Variants in DOCK5 observed in about 807,000 individuals in gnomAD.
DOCK5 encodes dedicator of cytokinesis protein 5.
DOCK5 carries 142 observed loss-of-function variants against 251.8 expected under a neutral mutation model. The ratio of observed to expected loss-of-function variants is 0.56; its 90% CI spans 0.49 to 0.65. The LOEUF is 0.65. Ranked by LOEUF, DOCK5 falls within the 30% of genes least tolerant of loss-of-function variation. DOCK5 has a pLI of 0.00. For synonymous variants in DOCK5, 842 were observed against 835.5 expected (o/e 1.01, Z -0.13); for missense variants, 2,111 against 2,312.3 (o/e 0.91, Z 1.79).
intron 1 of DOCK5, among the ~76,000 whole-genome samples, chr8:25,200,576 A>G (rs1372602170): frequency 6.6e-6 from 1 of 152,206 alleles, no homozygotes; most frequent in Admixed American, 6.5e-5. Flanking sequence ...CCTACCTAAT[A>G]CCACATAAAA....
intron 1 of DOCK5, among the ~76,000 whole-genome samples, chr8:25,240,874 TG>T (rs1056500264): frequency 3.3e-5 from 5 of 152,124 alleles, no homozygotes; most frequent in African/African-American, 7.2e-5. Context: ...AACAGGGCTG[TG>T]CTCCCTCCGG....
chr8:25,369,659 G>A lies in DOCK5; in HGVS notation c.3524+18G>A, dbSNP rs373208314. On this transcript the variant is annotated intron_variant, in intron 34 of 51. Coordinates refer to ENST00000276440, the MANE Select transcript of DOCK5 (RefSeq NM_024940.8). Reference sequence around the variant, plus strand: ...GAAAAACTGTGAGTATTTCAGGAACGAAACCTGAAGTCAGTGGTGTCATTT... The same window carrying A: ...GAAAAACTGTGAGTATTTCAGGAACAAAACCTGAAGTCAGTGGTGTCATTT... 5.5e-4 allele frequency: 867 copies of A among 1,586,516 alleles called. 1 individual carries two copies. The highest frequency in any genetic ancestry group is 6.7e-4 in the Non-Finnish European group (777 of 1,164,110).
At chr8:25,312,436 T>C (rs1175939422) in intron 13 of DOCK5, among the ~76,000 whole-genome samples, 3 of 152,140 alleles carry the variant, frequency 2.0e-5, no homozygotes, top group Non-Finnish European at 4.4e-5. Flanking sequence ...GATTGGTTCA[T>C]AGGATGCCAA....
At chr8:25,189,488 G>A (rs1051840090) in intron 1 of DOCK5, among the ~76,000 whole-genome samples, 4 of 152,072 alleles carry the variant, frequency 2.6e-5, no homozygotes, top group Non-Finnish European at 5.9e-5. Flanking sequence ...AGCCCGCTGA[G>A]AGCTGAGAGC....
At chr8:25,294,986 A>T (rs988645986) in intron 6 of DOCK5, among the ~76,000 whole-genome samples, 1 of 152,020 alleles carries the variant, frequency 6.6e-6, no homozygotes, top group African/African-American at 2.4e-5. Flanking sequence ...TGATCCAATC[A>T]CCTCCCACCA....
At chr8:25,384,339 T>C (rs1461472968) in intron 40 of DOCK5, among the ~76,000 whole-genome samples, 1 of 152,234 alleles carries the variant, frequency 6.6e-6, no homozygotes, top group Admixed American at 6.5e-5. Context: ...TGTATCTTGA[T>C]TGTGGTCCTG....
rs1801679176 is a variant in DOCK5, at chr8:25,414,510, A to G, written c.*3212A>G. The G allele has an allele frequency of 6.6e-6, 1 of 152,068 alleles. No individual in the cohort carries two copies. Among genetic ancestry groups the G allele is most frequent in the African/African-American group, 2.4e-5 (1 of 41,420 alleles). 9.4% of individuals were successfully genotyped at this position (152,068 alleles called of 1,614,324 possible). ...ATATAAAGCAGGCTTTGAGACAACA[A>G]CCTACCTTTGTTTACTCTTTCCAAG... On this transcript the variant is annotated 3_prime_UTR_variant, in exon 52 of 52. Coordinates refer to ENST00000276440, the MANE Select transcript of DOCK5 (RefSeq NM_024940.8).
chr8:25,325,586 G>T (rs1805545008), intron 18 of DOCK5, 39 bp downstream of exon 18: 2 of 1,603,420 alleles, frequency 1.2e-6, no homozygotes, highest in Non-Finnish European at 1.7e-6. Context: ...TAAGCTTCTT[G>T]CTCAGCCTTT....
chr8:25,336,476 C>T lies in DOCK5; in HGVS notation c.2327+103C>T, dbSNP rs961479944. ...TGTTCAGCTCTGTGAGCAGTTAGTT[C>T]TTAGAATTGCCTTATTTCAGAACTG... On this transcript the variant is annotated intron_variant, in intron 22 of 51. Coordinates refer to ENST00000276440, the MANE Select transcript of DOCK5 (RefSeq NM_024940.8). 5.7e-6 allele frequency: 8 copies of T among 1,404,146 alleles called. No homozygotes were observed. The African/African-American group carries it at 1.1e-4, about 20-fold the overall frequency. The allele number at this position is 1,404,146 out of a possible 1,614,324, so 87.0% of individuals were successfully genotyped here. A position where few individuals can be genotyped will look rare whatever the true frequency, so the allele number is the denominator to read the frequency against.
At chr8:25,254,773 C>CAAAA (rs745860086) in intron 2 of DOCK5, among the ~76,000 whole-genome samples, 412 of 6,548 alleles carry the variant, frequency 0.063, 169 homozygotes, top group Middle Eastern at 0.25. Flanking sequence ...GACTTTGTCT[C>CAAAA]AAAAAAAAAC....
chr8:25,224,141 CAG>C (rs1802460513), intron 1 of DOCK5, among the ~76,000 whole-genome samples: 1 of 152,080 alleles, frequency 6.6e-6, no homozygotes, highest in Admixed American at 6.5e-5. Context: ...TTTTCTGAGA[CAG>C]AGTCTTGCTC....
At chr8:25,340,382 T>C (rs2117230004) in intron 22 of DOCK5, among the ~76,000 whole-genome samples, 1 of 152,346 alleles carries the variant, frequency 6.6e-6, no homozygotes, top group Non-Finnish European at 1.5e-5. Flanking sequence ...AGCCATCCTA[T>C]TCTTGACCAG....
intron 2 of DOCK5, among the ~76,000 whole-genome samples, chr8:25,255,096 T>C (rs945875758): frequency 6.6e-6 from 1 of 152,186 alleles, no homozygotes. Flanking sequence ...CTCTCATTCA[T>C]TGCTGATGGG....
intron 5 of DOCK5, among the ~76,000 whole-genome samples, chr8:25,291,152 G>A (rs1340662926): frequency 6.6e-6 from 1 of 152,114 alleles, no homozygotes. Context: ...AGGACATTGA[G>A]ACTCACTGGA....
At chr8:25,278,383 C>G (rs1804103411) in intron 4 of DOCK5, among the ~76,000 whole-genome samples, 186 bp from the exon 5 acceptor site, 2 of 152,188 alleles carry the variant, frequency 1.3e-5, no homozygotes, top group African/African-American at 4.8e-5. Flanking sequence ...ATTTTGAGGA[C>G]TGTGCTGCCT....
At chr8:25,198,178 T>C (rs561686244) in intron 1 of DOCK5, among the ~76,000 whole-genome samples, 1 of 152,350 alleles carries the variant, frequency 6.6e-6, no homozygotes, top group South Asian at 2.1e-4. Flanking sequence ...GTTACCTGTA[T>C]ACCTGCAACA....
In DOCK5 at chr8:25,278,532, G is replaced by A. The variant is rs771749298; in HGVS notation, c.225-37G>A. 7 of 1,599,452 alleles carry A rather than the reference G, an allele frequency of 4.4e-6. No homozygotes were observed. The East Asian group carries it at 1.3e-4, about 31-fold the overall frequency. On this transcript the variant is annotated intron_variant, in intron 4 of 51. Transcript: ENST00000276440. ...CCATCAAGTAAAGCAGTGCTGATCA[G>A]CCTAGAAGAAAGTGACCCTCGTTTG...
At chr8:25,366,332 A>G (rs1800773690) in intron 30 of DOCK5, among the ~76,000 whole-genome samples, 2 of 152,140 alleles carry the variant, frequency 1.3e-5, no homozygotes, top group Admixed American at 1.3e-4. Context: ...CTCTACTAAA[A>G]ATGCAAAAAC....
intron 34 of DOCK5, among the ~76,000 whole-genome samples, chr8:25,370,613 TC>T (rs1223985552): frequency 6.6e-6 from 1 of 152,142 alleles, no homozygotes; most frequent in African/African-American, 2.4e-5. Flanking sequence ...CAAGCAGTCC[TC>T]CCGCCTCAGA....
Sources: allele counts gnomAD v4.1 joint callset (sites outside exome capture counted in the v4.1 genomes callset), GRCh38; gene constraint gnomAD v4.1.1; transcripts MANE v1.5; gene names NCBI Gene and HGNC (gene_info 2026-07-23, HGNC 2026-07-21).